Variants in PML observed in about 807,000 individuals in gnomAD.
PML encodes PML nuclear body scaffold, also known as protein PML.
Under a neutral mutation model 65.2 loss-of-function variants are expected in PML, and 28 were observed. That is an observed-to-expected ratio of 0.43 (90% CI 0.32 to 0.59). The LOEUF is 0.59. Among genes scored for constraint, PML ranks in the 20% least tolerant of loss-of-function variants. The pLI, the probability that PML is intolerant of heterozygous loss-of-function variation, is 0.08. For missense variants in PML, 1,021 were observed against 1,203.4 expected (o/e 0.85, Z 2.24); for synonymous variants, 500 against 508.8 (o/e 0.98, Z 0.23).
chr15:73,996,468 A>T (rs191977150), intron 1 of PML, among the ~76,000 whole-genome samples: 2 of 152,348 alleles, frequency 1.3e-5, no homozygotes, highest in African/African-American at 4.8e-5. Flanking sequence ...TGATGGTGAT[A>T]ACACAAGTTA....
At chr15:74,008,738 C>CAAA (rs550873482) in intron 2 of PML, among the ~76,000 whole-genome samples, 103 of 64,034 alleles carry the variant, frequency 1.6e-3, no homozygotes, top group African/African-American at 5.4e-3. Flanking sequence ...GACTGTGTCT[C>CAAA]AAAAAAAAAA....
At chr15:74,036,945 C>T (rs975624484) in intron 7 of PML, 2 of 985,316 alleles carry the variant, frequency 2.0e-6, no homozygotes, top group Non-Finnish European at 1.2e-6. Flanking sequence ...ACCTTCGCCT[C>T]CCTCCAGCCC....
rs114078857 is a variant in PML, at chr15:73,999,754, T to G, written c.602+1278T>G. On this transcript the variant is annotated intron_variant, in intron 2 of 8. Coordinates refer to ENST00000268058, the MANE Select transcript of PML (RefSeq NM_033238.3). ...TTTTAAAACTTACATATTTATTGGA[T>G]TTTGATTGAAATTGCAATAAATTAG... 3.6e-3 allele frequency among the ~76,000 whole-genome samples: 552 copies of G among 152,322 alleles called. 2 individuals are homozygous for G. The highest frequency in any genetic ancestry group is 0.013 in the African/African-American group (531 of 41,568).
intron 2 of PML, among the ~76,000 whole-genome samples, chr15:74,012,521 G>T (rs2141784263): frequency 6.6e-6 from 1 of 152,244 alleles, no homozygotes; most frequent in South Asian, 2.1e-4. Context: ...TGTTGGCCAG[G>T]CTGGTCTCGA....
Position 74,044,620 on chromosome 15 carries a change from G to T in PML, c.2261G>T (p.Cys754Phe). 1 of 1,606,834 alleles carries T rather than the reference G, an allele frequency of 6.2e-7. No homozygotes were observed. The highest frequency in any genetic ancestry group is 8.5e-7 in the Non-Finnish European group (1 of 1,179,924). Reference protein sequence around the residue: ...MAAVLAMRDLCRLLEVSPGPQ... With the variant: ...MAAVLAMRDLFRLLEVSPGPQ... ...GCCGTGCTGGCCATGCGTGACCTGT[G>T]CCGCCTCCTCGAGGTCTCCCCGGGC... Residue 754 changes from cysteine to phenylalanine, a missense_variant, in exon 9 of 9, where the codon TGC becomes TTC. By Grantham distance (205) the Cys-to-Phe change is radical. Coordinates refer to ENST00000268058, the MANE Select transcript of PML (RefSeq NM_033238.3).
intron 2 of PML, among the ~76,000 whole-genome samples, chr15:74,013,314 C>T (rs1164731470): frequency 6.6e-6 from 1 of 152,012 alleles, no homozygotes; most frequent in Non-Finnish European, 1.5e-5. Flanking sequence ...TATAACAGTA[C>T]TACTACCATT....
At position 73,998,194 on chromosome 15, in the gene PML, T is replaced by C. The variant is rs756707115; in HGVS notation, c.320T>C (p.Val107Ala). 8 of 1,614,174 alleles carry C rather than the reference T, an allele frequency of 5.0e-6. No homozygotes were observed. Among genetic ancestry groups the C allele is most frequent in the Non-Finnish European group, 6.8e-6 (8 of 1,180,018 alleles). ...GCAGACACACCCGCCCTGGATAACG[T>C]CTTTTTCGAGAGTCTGCAGCGGCGC... ...LGADTPALDN[V>A]FFESLQRRLS... The change falls in exon 2 of 9, where the codon GTC (valine) becomes GCC (alanine). Residue 107 changes from valine to alanine, a missense_variant. Coordinates refer to ENST00000268058, the MANE Select transcript of PML (RefSeq NM_033238.3).
intron 4 of PML, among the ~76,000 whole-genome samples, chr15:74,031,950 T>C (rs1940672671): frequency 6.6e-6 from 1 of 152,236 alleles, no homozygotes; most frequent in African/African-American, 2.4e-5. Context: ...TGAGGAGTTT[T>C]AAGCAATTCA....
intron 2 of PML, among the ~76,000 whole-genome samples, chr15:74,005,308 C>T (rs1045000105): frequency 6.6e-6 from 1 of 152,200 alleles, no homozygotes; most frequent in African/African-American, 2.4e-5. Context: ...GCCTCAGCCT[C>T]CCAAAGTGCT....
At position 73,998,350 on chromosome 15, in the gene PML, T is replaced by G; in HGVS notation, c.476T>G (p.Leu159Arg). 1 of 1,614,200 alleles carries G rather than the reference T, an allele frequency of 6.2e-7. No individual in the cohort carries two copies. The highest frequency in any genetic ancestry group is 2.2e-5 in the East Asian group (1 of 44,886). Reference sequence around the variant, plus strand: ...TGCTTCGAGGCACACCAGTGGTTCCTCAAGCACGAGGCCCGGCCCCTAGCA... The same window carrying G: ...TGCTTCGAGGCACACCAGTGGTTCCGCAAGCACGAGGCCCGGCCCCTAGCA... ...AKCFEAHQWF[L>R]KHEARPLAEL... Residue 159 changes from leucine to arginine, a missense_variant, in exon 2 of 9, where the codon CTC becomes CGC. Transcript: ENST00000268058.
rs569952505 is a variant in PML at position 74,008,608 on chromosome 15, G to A, written c.602+10132G>A. On this transcript the variant is annotated intron_variant, in intron 2 of 8. Transcript: ENST00000268058. ...AAAAAAATTAGCCGGGCGTGGTGGC[G>A]GGTGCCTGTAGTCCCAGCTACTTAG... Among the ~76,000 whole-genome samples the A allele has an allele frequency of 2.1e-3, 318 of 152,154 alleles. 1 individual carries two copies. The highest frequency in any genetic ancestry group is 7.5e-3 in the African/African-American group (313 of 41,516).
At position 74,035,671 on chromosome 15, in the gene PML, G is replaced by A. The variant is rs752743066; in HGVS notation, c.1710+1141G>A. 50 of 1,613,900 alleles carry A rather than the reference G, an allele frequency of 3.1e-5. No homozygotes were observed. Among genetic ancestry groups the A allele is most frequent in the Admixed American group, 1.3e-4 (8 of 60,012 alleles). Reference sequence around the variant, plus strand: ...GTGCGATCCCGCAGCCGCTCCCTCCGGGGCTCCTCCCATTTATCCCAGTGG... The same window carrying A: ...GTGCGATCCCGCAGCCGCTCCCTCCAGGGCTCCTCCCATTTATCCCAGTGG... On this transcript the variant is annotated intron_variant, in intron 7 of 8. Coordinates refer to ENST00000268058, the MANE Select transcript of PML (RefSeq NM_033238.3). This position sits in a 1 kb window ranked among gnomAD's most constrained non-coding sequence, Gnocchi z 4.1.
At chr15:74,033,593 A>G (rs760194401) in intron 6 of PML, 179 bp downstream of exon 6, 20 of 757,172 alleles carry the variant, frequency 2.6e-5, no homozygotes, top group Non-Finnish European at 3.7e-5. Flanking sequence ...ACAGTTTACC[A>G]TGTGTTTTGC....
rs376898295 is a variant in PML at position 73,998,252 on chromosome 15, G to A, written c.378G>A (p.Gln126=). ...TGTACCGGCAGATTGTGGATGCGCAGGCTGTGTGCACCCGCTGCAAAGAGT... is the reference window on the plus strand; with the variant it reads ...TGTACCGGCAGATTGTGGATGCGCAAGCTGTGTGCACCCGCTGCAAAGAGT... ...LSVYRQIVDA[Q]AVCTRCKESA... The change falls in exon 2 of 9, where the codon CAG becomes CAA. Residue 126 remains glutamine, a synonymous_variant. Transcript: ENST00000268058. 2 of 1,614,184 alleles carry A rather than the reference G, an allele frequency of 1.2e-6. No individual in the cohort carries two copies. The highest frequency in any genetic ancestry group is 1.7e-6 in the Non-Finnish European group (2 of 1,180,026).
At chr15:73,995,704 TG>T (rs34214069) in intron 1 of PML, among the ~76,000 whole-genome samples, 3 of 152,154 alleles carry the variant, frequency 2.0e-5, no homozygotes, top group African/African-American at 4.8e-5. Flanking sequence ...TTAAGCACTT[TG>T]GTTTTTTTTT....
At chr15:74,034,610 C>T (rs2071464132) in intron 7 of PML, 80 bp downstream of exon 7, 1 of 1,613,998 alleles carries the variant, frequency 6.2e-7, no homozygotes, top group African/African-American at 1.3e-5. Flanking sequence ...CAGCAGGTGA[C>T]TCTCAGACTT....
At position 74,044,202 on chromosome 15, in the gene PML, G is replaced by A. The variant is rs2141898019; in HGVS notation, c.1862-19G>A. ...CTCTGTGACCCTGGGTCCTCACCCT[G>A]CCCTTCTCTCCTGCCCAGCCCAGAA... is the stretch of plus-strand genomic sequence containing the variant. On this transcript the variant is annotated intron_variant, in intron 8 of 8. Transcript: ENST00000268058. The A allele has an allele frequency of 6.2e-7, 1 of 1,613,188 alleles. No individual in the cohort carries two copies. Among genetic ancestry groups the A allele is most frequent in the East Asian group, 2.2e-5 (1 of 44,878 alleles).
In PML at chr15:73,995,396, C is replaced by G. The variant is rs569532263; in HGVS notation, c.129+455C>G. On this transcript the variant is annotated intron_variant, in intron 1 of 8. Transcript: ENST00000268058. ...CCAGATCCGAGGTGAGAAACTGGCT[C>G]AGACTGAAGAGGTATCTTTGCCAAG... is the stretch of plus-strand genomic sequence containing the variant. Among the ~76,000 whole-genome samples the G allele has an allele frequency of 6.2e-4, 95 of 152,336 alleles. 2 individuals are homozygous for G. In the South Asian group the frequency reaches 0.014, roughly 22 times the overall value.
chr15:74,029,642 GAA>G (rs2071231486), intron 4 of PML, among the ~76,000 whole-genome samples: 1 of 152,046 alleles, frequency 6.6e-6, no homozygotes, highest in African/African-American at 2.4e-5. Context: ...AAGAAAGAAA[GAA>G]AAAAGTTTTA....
Sources: allele counts gnomAD v4.1 joint callset (sites outside exome capture counted in the v4.1 genomes callset), GRCh38; gene constraint gnomAD v4.1.1; non-coding constraint Gnocchi (gnomAD v3.1); transcripts MANE v1.5; gene names NCBI Gene and HGNC (gene_info 2026-07-23, HGNC 2026-07-21).